LRBA: variants seen among roughly 807,000 people sequenced by gnomAD.
The protein encoded by LRBA is lipopolysaccharide-responsive and beige-like anchor protein.
In LRBA, 176 loss-of-function variants were observed where a neutral mutation model predicts 330.0. The ratio of observed to expected loss-of-function variants is 0.53; its 90% CI spans 0.47 to 0.60. The LOEUF is 0.60. Among genes scored for constraint, LRBA ranks in the 20% least tolerant of loss-of-function variants. The probability of loss-of-function intolerance (pLI) is 0.00; values close to 1 mark genes in which losing one functional copy is unlikely to be tolerated. For missense variants in LRBA, 3,259 were observed against 3,444.8 expected (o/e 0.95, Z 1.35); for synonymous variants, 1,230 against 1,193.0 (o/e 1.03, Z -0.64).
In LRBA at chr4:150,456,757, A is replaced by G. The variant is rs576197260; in HGVS notation, c.6780+10916T>C. Among the ~76,000 whole-genome samples, 41 of 152,224 alleles carry G rather than the reference A, an allele frequency of 2.7e-4. 1 individual carries two copies. The East Asian group carries it at 5.6e-3, about 21-fold the overall frequency. On this transcript the variant is annotated intron_variant, in intron 44 of 56. Coordinates refer to ENST00000651943, the MANE Select transcript of LRBA (RefSeq NM_001364905.1). Reference sequence around the variant, plus strand: ...ACTCAAGAAATCTTTGTGTAGACCAATGTCTTGGAGAGTTTCCCCAATGTT... The same window carrying G: ...ACTCAAGAAATCTTTGTGTAGACCAGTGTCTTGGAGAGTTTCCCCAATGTT...
chr4:150,289,571 T>C (rs927111818), intron 53 of LRBA, among the ~76,000 whole-genome samples: 1 of 152,224 alleles, frequency 6.6e-6, no homozygotes, highest in African/African-American at 2.4e-5. Context: ...GCTACTTAAC[T>C]TTCCTCACCT....
At chr4:150,954,413 C>G (rs1737290072) in intron 2 of LRBA, among the ~76,000 whole-genome samples, 2 of 152,186 alleles carry the variant, frequency 1.3e-5, no homozygotes, top group Admixed American at 6.5e-5. Context: ...CCATTTTGTT[C>G]TGTACTAGGA....
intron 28 of LRBA, among the ~76,000 whole-genome samples, chr4:150,832,491 G>T (rs1747351663): frequency 6.6e-6 from 1 of 152,140 alleles, no homozygotes; most frequent in Non-Finnish European, 1.5e-5. Context: ...AGCTACTCAG[G>T]AGCCTGAGGT....
intron 47 of LRBA, among the ~76,000 whole-genome samples, chr4:150,361,200 A>C (rs1738635161): frequency 6.6e-6 from 1 of 152,188 alleles, no homozygotes. Context: ...ATCTACAATA[A>C]CATTCTGATT....
chr4:150,950,122 A>G (rs191365416), intron 2 of LRBA, among the ~76,000 whole-genome samples: 30 of 152,208 alleles, frequency 2.0e-4, no homozygotes, highest in African/African-American at 7.0e-4. Context: ...ACCTTTTTAA[A>G]TTTGCATTTA....
intron 34 of LRBA, among the ~76,000 whole-genome samples, chr4:150,782,185 G>A (rs1001773632): frequency 2.6e-5 from 4 of 152,184 alleles, no homozygotes; most frequent in African/African-American, 7.2e-5. Context: ...GGGATTTCAG[G>A]CGTGAGCCAC....
intron 33 of LRBA, among the ~76,000 whole-genome samples, 178 bp downstream of exon 33, chr4:150,806,093 T>C (rs1474929843): frequency 2.0e-5 from 3 of 151,780 alleles, no homozygotes; most frequent in Non-Finnish European, 4.4e-5. Flanking sequence ...CTGATAAAAA[T>C]CTTGAAGATT....
Position 150,288,275 on chromosome 4 carries a change from A to G in LRBA, c.8018-2241T>C, listed in dbSNP as rs113871387. Among the ~76,000 whole-genome samples, 641 of 148,142 alleles carry G rather than the reference A, an allele frequency of 4.3e-3. 5 individuals carry two copies. Among genetic ancestry groups the G allele is most frequent in the African/African-American group, 0.014 (587 of 40,634 alleles). ...ATTACAGGCGTGAGCCACCGCGCCCAGCCAGGATCCACAAATTTTAGGAAG... is the reference window on the plus strand; with the variant it reads ...ATTACAGGCGTGAGCCACCGCGCCCGGCCAGGATCCACAAATTTTAGGAAG... On this transcript the variant is annotated intron_variant, in intron 53 of 56. Coordinates refer to ENST00000651943, the MANE Select transcript of LRBA (RefSeq NM_001364905.1).
At chr4:150,803,539 C>G (rs893009475) in intron 33 of LRBA, among the ~76,000 whole-genome samples, 27 of 152,150 alleles carry the variant, frequency 1.8e-4, no homozygotes, top group African/African-American at 6.5e-4. Context: ...GGTCACACAG[C>G]TAGTCACTGG....
intron 37 of LRBA, among the ~76,000 whole-genome samples, chr4:150,668,086 A>G (rs1781723653): frequency 6.6e-6 from 1 of 152,184 alleles, no homozygotes; most frequent in Non-Finnish European, 1.5e-5. Flanking sequence ...GGCCTACAGT[A>G]AAAGTTCCTG....
chr4:150,770,231 T>C (rs544214412), intron 34 of LRBA, among the ~76,000 whole-genome samples: 31 of 152,212 alleles, frequency 2.0e-4, no homozygotes, highest in African/African-American at 7.2e-4. Context: ...ACACCATTGG[T>C]TTTCCCGGGC....
intron 47 of LRBA, among the ~76,000 whole-genome samples, chr4:150,370,231 C>T (rs1581133013): frequency 6.6e-6 from 1 of 152,260 alleles, no homozygotes; most frequent in Admixed American, 6.5e-5. Flanking sequence ...AAATCCTTAA[C>T]ATAAATGCTT....
chr4:150,500,602 T>TC (rs1561267468), intron 40 of LRBA, among the ~76,000 whole-genome samples: 1 of 150,858 alleles, frequency 6.6e-6, no homozygotes, highest in African/African-American at 2.4e-5. Context: ...AAATAAATAA[T>TC]CCCCCCTCTC....
chr4:150,969,278 C>G (rs1206538797), intron 2 of LRBA, among the ~76,000 whole-genome samples: 1 of 152,098 alleles, frequency 6.6e-6, no homozygotes, highest in Non-Finnish European at 1.5e-5. Context: ...CTATCACTGC[C>G]ATAGATAGTG....
chr4:150,373,166 TGTGTGTGAGAGAGA>T (rs1317511687), intron 47 of LRBA, among the ~76,000 whole-genome samples: 2 of 122,256 alleles, frequency 1.6e-5, no homozygotes, highest in African/African-American at 5.8e-5. Flanking sequence ...TGTGTGTGTG[TGTGTGTGAGAGAGA>T]GAGAGAGAGA....
At chr4:150,711,955 G>C (rs2127040322) in intron 36 of LRBA, among the ~76,000 whole-genome samples, 1 of 152,178 alleles carries the variant, frequency 6.6e-6, no homozygotes, top group East Asian at 1.9e-4. Context: ...GGTTTATGAA[G>C]GTACTCATTT....
At chr4:150,931,593 C>T (rs1363491088) in intron 2 of LRBA, among the ~76,000 whole-genome samples, 1 of 146,594 alleles carries the variant, frequency 6.8e-6, no homozygotes, top group Non-Finnish European at 1.5e-5. Context: ...GACTCTGTCT[C>T]CATATTCAAA....
At chr4:150,876,482 A>G (rs1165031367) in intron 17 of LRBA, among the ~76,000 whole-genome samples, 1 of 152,202 alleles carries the variant, frequency 6.6e-6, no homozygotes, top group African/African-American at 2.4e-5. Flanking sequence ...GATCACATAC[A>G]AACAGAACCC....
chr4:150,291,000 C>T (rs1728217523), intron 53 of LRBA, among the ~76,000 whole-genome samples: 2 of 151,690 alleles, frequency 1.3e-5, no homozygotes, highest in Non-Finnish European at 2.9e-5. Context: ...TACATGTGCA[C>T]ATTGTGCAGG....
Sources: gnomAD v4.1 joint callset for allele counts (sites outside exome capture counted in the v4.1 genomes callset) on GRCh38, gnomAD v4.1.1 for gene constraint, MANE v1.5 for transcripts, NCBI Gene and HGNC (gene_info 2026-07-23, HGNC 2026-07-21) for gene names.